The following BRWD1 variants were observed in gnomAD, a reference collection of about 807,000 sequenced individuals.
BRWD1 encodes bromodomain and WD repeat domain containing 1.
BRWD1 carries 82 observed loss-of-function variants against 251.2 expected under a neutral mutation model. That is an observed-to-expected ratio of 0.33 (90% CI 0.27 to 0.39). The LOEUF is 0.39. Ranked by LOEUF, BRWD1 falls within the 10% of genes least tolerant of loss-of-function variation. The probability of loss-of-function intolerance (pLI) is 1.00; values close to 1 mark genes in which losing one functional copy is unlikely to be tolerated. For missense variants in BRWD1, 2,233 were observed against 2,711.6 expected, an observed-to-expected ratio of 0.82 and a Z score of 3.92; for synonymous variants, 918 against 902.8, an observed-to-expected ratio of 1.02 and a Z score of -0.30.
intron 36 of BRWD1, among the ~76,000 whole-genome samples, chr21:39,207,449 A>ACACACACAC: frequency 5.4e-5 from 1 of 18,412 alleles, no homozygotes; most frequent in Non-Finnish European, 1.1e-4. Context: ...GAAAAAAAAG[A>ACACACACAC]AAACACACAC....
At chr21:39,231,198 T>C (rs1396074344) in intron 25 of BRWD1, among the ~76,000 whole-genome samples, 1 of 152,130 alleles carries the variant, frequency 6.6e-6, no homozygotes, top group Non-Finnish European at 1.5e-5. Flanking sequence ...ATATAAAAAA[T>C]AAAAAAACAC....
Position 39,255,771 on chromosome 21 carries a change from C to A in BRWD1, c.2129G>T (p.Ser710Ile). The change falls in exon 19 of 41, where the codon AGT becomes ATT. Residue 710 changes from serine to isoleucine, a missense_variant. Coordinates refer to ENST00000342449, the MANE Select transcript of BRWD1 (RefSeq NM_033656.4). ...CTGACGAACACCTTCAACTTGTCCA[C>A]TACGACGCAGACCAATATTTGGAGG... ...QSPPNIGLRR[S>I]GQVEGVRQMH... 1 of 1,614,214 alleles carries A rather than the reference C, an allele frequency of 6.2e-7. No individual in the cohort carries two copies. Among genetic ancestry groups the A allele is most frequent in the Non-Finnish European group, 8.5e-7 (1 of 1,180,042 alleles).
intron 9 of BRWD1, among the ~76,000 whole-genome samples, chr21:39,279,023 A>C (rs968602506): frequency 6.6e-6 from 1 of 152,116 alleles, no homozygotes; most frequent in African/African-American, 2.4e-5. Flanking sequence ...GGCACACAAC[A>C]CCCAGCTATA....
At position 39,198,616 on chromosome 21, in the gene BRWD1, G is replaced by A. The variant is rs1601240499; in HGVS notation, c.5653+147C>T. 7.8e-6 allele frequency: 5 copies of A among 642,578 alleles called. No individual in the cohort carries two copies. In the East Asian group the frequency reaches 1.4e-4, roughly 18 times the overall value. 39.8% of individuals were successfully genotyped at this position (642,578 alleles called of 1,614,324 possible). On this transcript the variant is annotated intron_variant, in intron 40 of 40. Coordinates refer to ENST00000342449, the MANE Select transcript of BRWD1 (RefSeq NM_033656.4). ...AAGAATATAAAGGATGAACAGAGAA[G>A]GCTAACACAGAATGCATGGGAGGGA... is the stretch of plus-strand genomic sequence containing the variant.
chr21:39,275,325 A>G (rs1285801861), intron 12 of BRWD1, among the ~76,000 whole-genome samples: 2 of 152,194 alleles, frequency 1.3e-5, no homozygotes, highest in Non-Finnish European at 2.9e-5. Context: ...TTTCTTAGAA[A>G]AGTTTTTTTT....
upstream of BRWD1, chr21:39,313,672 G>A (rs3746886): frequency 0.85 from 353,793 of 418,614 alleles, 151,946 homozygotes; most frequent in African/African-American, 0.96. Flanking sequence ...GTTCCTCCGC[G>A]GGAGACGAAA....
At chr21:39,304,152 A>C (rs1167629346) in intron 4 of BRWD1, among the ~76,000 whole-genome samples, 1 of 151,352 alleles carries the variant, frequency 6.6e-6, no homozygotes, top group Non-Finnish European at 1.5e-5. Flanking sequence ...AAAAAAAAAA[A>C]AAAAAAAAAA....
Position 39,269,882 on chromosome 21 carries a change from C to T in BRWD1, c.1530+17G>A, listed in dbSNP as rs763012478. ...AAATTATCAAGCATGTATCAAGGTA[C>T]ATCTCACTTCACTTACCATATTAAA... On this transcript the variant is annotated intron_variant, in intron 15 of 40. Transcript: ENST00000342449. 1 of 1,484,302 alleles carries T rather than the reference C, an allele frequency of 6.7e-7. No individual in the cohort carries two copies. The highest frequency in any genetic ancestry group is 9.0e-7 in the Non-Finnish European group (1 of 1,109,860). The allele number at this position is 1,484,302 out of a possible 1,614,324, so 91.9% of individuals were successfully genotyped here. A position where few individuals can be genotyped will look rare whatever the true frequency, so the allele number is the denominator to read the frequency against.
chr21:39,309,976 C>T (rs1045378875), intron 4 of BRWD1, among the ~76,000 whole-genome samples: 8 of 152,182 alleles, frequency 5.3e-5, no homozygotes, highest in African/African-American at 1.4e-4. Flanking sequence ...TGTCTGGAAT[C>T]TGCCTTAAAA....
intron 13 of BRWD1, among the ~76,000 whole-genome samples, chr21:39,271,626 G>A (rs574914730): frequency 6.7e-6 from 1 of 148,246 alleles, no homozygotes; most frequent in African/African-American, 2.5e-5. Context: ...GAACCCAGGA[G>A]GCGGAACTTA....
chr21:39,305,558 A>G (rs1456488094), intron 4 of BRWD1, among the ~76,000 whole-genome samples: 1 of 152,094 alleles, frequency 6.6e-6, no homozygotes, highest in East Asian at 1.9e-4. Context: ...GTGAAATCCC[A>G]TCTCTACTAA....
intron 8 of BRWD1, among the ~76,000 whole-genome samples, chr21:39,283,826 T>C (rs8132285): frequency 0.3 from 46,154 of 151,986 alleles, 7,438 homozygotes; most frequent in Middle Eastern, 0.36. Context: ...CCAATGACTA[T>C]AATATGTATT....
chr21:39,209,511 C>A (rs2032564327), intron 36 of BRWD1, among the ~76,000 whole-genome samples: 1 of 152,102 alleles, frequency 6.6e-6, no homozygotes, highest in Non-Finnish European at 1.5e-5. Context: ...AGAGCCTCCA[C>A]TGGCTCTGTA....
chr21:39,283,256 T>C (rs1029102697), intron 8 of BRWD1, among the ~76,000 whole-genome samples: 13 of 152,140 alleles, frequency 8.5e-5, no homozygotes, highest in Admixed American at 4.6e-4. Flanking sequence ...AACAAAATCA[T>C]TGGAATTTCA....
chr21:39,212,313 A>G (rs532286850), intron 34 of BRWD1, among the ~76,000 whole-genome samples: 85 of 152,304 alleles, frequency 5.6e-4, no homozygotes, highest in Admixed American at 1.4e-3. Flanking sequence ...TACCCCAATC[A>G]TAACAGCCAG....
intron 19 of BRWD1, among the ~76,000 whole-genome samples, chr21:39,252,854 G>A (rs983772877): frequency 2.0e-5 from 3 of 151,718 alleles, no homozygotes; most frequent in Non-Finnish European, 4.4e-5. Context: ...GCTACTTAAA[G>A]TAAGTTCCTT....
intron 2 of BRWD1, 57 bp downstream of exon 2, chr21:39,313,184 C>G: frequency 6.6e-7 from 1 of 1,504,098 alleles, no homozygotes; most frequent in Non-Finnish European, 8.9e-7. Context: ...CCGCGACCCC[C>G]GGCGGCGGGG....
At chr21:39,304,608 T>A (rs575305903) in intron 4 of BRWD1, among the ~76,000 whole-genome samples, 2 of 77,542 alleles carry the variant, frequency 2.6e-5, no homozygotes, top group South Asian at 8.1e-4. Flanking sequence ...AGTGAGAACT[T>A]GTCTGGAAAA....
chr21:39,270,083 T>G (rs2035050867), intron 14 of BRWD1, 50 bp from the exon 15 acceptor site: 7 of 1,446,744 alleles, frequency 4.8e-6, no homozygotes, highest in Non-Finnish European at 1.8e-6. Flanking sequence ...AGTTACAAAT[T>G]GAAAATTTAA....
Sources: gnomAD v4.1 joint callset for allele counts (sites outside exome capture counted in the v4.1 genomes callset) on GRCh38, gnomAD v4.1.1 for gene constraint, MANE v1.5 for transcripts, NCBI Gene and HGNC (gene_info 2026-07-23, HGNC 2026-07-21) for gene names.